Variants in PODN observed in about 807,000 individuals in gnomAD.
PODN encodes podocan proteoglycan.
Under a neutral mutation model 52.7 loss-of-function variants are expected in PODN, and 40 were observed. The ratio of observed to expected loss-of-function variants is 0.76; its 90% CI spans 0.59 to 0.99. The LOEUF (loss-of-function observed/expected upper bound fraction) is 0.99. Among genes scored for constraint, PODN ranks in the 50% least tolerant of loss-of-function variants. PODN has a pLI of 0.00. For missense variants in PODN, 720 were observed against 815.1 expected (o/e 0.88, Z 1.42); for synonymous variants, 396 against 377.9 (o/e 1.05, Z -0.56).
intron 10 of PODN, among the ~76,000 whole-genome samples, chr1:53,082,420 G>A (rs1338059993): frequency 6.6e-6 from 1 of 152,190 alleles, no homozygotes; most frequent in South Asian, 2.1e-4. Context: ...GTGCTGTCAC[G>A]GGAGTGACCG....
intron 7 of PODN, among the ~76,000 whole-genome samples, chr1:53,078,116 T>C (rs1644223964): frequency 6.6e-6 from 1 of 152,102 alleles, no homozygotes; most frequent in South Asian, 2.1e-4. Flanking sequence ...AGGGTAGCCA[T>C]AAAAGGCTAT....
chr1:53,070,279 G>A lies in PODN; in HGVS notation c.312+112G>A, dbSNP rs1313754690. On this transcript the variant is annotated intron_variant, in intron 2 of 10. Coordinates refer to ENST00000312553, the MANE Select transcript of PODN (RefSeq NM_153703.5). The stretch of plus-strand genomic sequence containing the variant: ...TGTTCACCCAGAACCTCCAATATGT[G>A]CGGCTCTCCACTCCCAACCACAGGG... 5 of 1,509,338 alleles carry A rather than the reference G, an allele frequency of 3.3e-6. No homozygotes were observed. The African/African-American group carries it at 5.6e-5, about 17-fold the overall frequency. 93.5% of individuals were successfully genotyped at this position (1,509,338 alleles called of 1,614,324 possible).
rs1459253949 is a variant in PODN at position 53,074,142 on chromosome 1, C to T, written c.407-464C>T. 2.6e-5 allele frequency among the ~76,000 whole-genome samples: 4 copies of T among 152,206 alleles called. No homozygotes were observed. The East Asian group carries it at 5.8e-4, about 22-fold the overall frequency. ...GCCTGGCAGGGCTCCCGGTAGCAGC[C>T]GAGTCCTGACACATCTGCCAGATGG... On this transcript the variant is annotated intron_variant, in intron 3 of 10. Coordinates refer to ENST00000312553, the MANE Select transcript of PODN (RefSeq NM_153703.5).
chr1:53,074,579 G>A (rs749411035), intron 3 of PODN, 27 bp from the exon 4 acceptor site: 1 of 1,613,538 alleles, frequency 6.2e-7, no homozygotes, highest in South Asian at 1.1e-5. Flanking sequence ...TCCATCCAGG[G>A]CTCTGACCGA....
At chr1:53,070,341 A>C (rs931372849) in intron 2 of PODN, among the ~76,000 whole-genome samples, 174 bp downstream of exon 2, 1 of 152,170 alleles carries the variant, frequency 6.6e-6, no homozygotes, top group Non-Finnish European at 1.5e-5. Flanking sequence ...CCCTGGCCGC[A>C]CCAGGTGACA....
chr1:53,074,459 AGGCCCCCCAACTGCTTG>A (rs1158109309), intron 3 of PODN, 130 bp from the exon 4 acceptor site: 3 of 827,308 alleles, frequency 3.6e-6, no homozygotes, highest in Non-Finnish European at 4.1e-6. Flanking sequence ...AGGGCTGGGC[AGGCCCCCCAACTGCTTG>A]GGAGGGGATC....
chr1:53,083,291 G>A (rs992187910), intron 10 of PODN, among the ~76,000 whole-genome samples: 9 of 152,336 alleles, frequency 5.9e-5, no homozygotes, highest in Admixed American at 1.3e-4. Flanking sequence ...CTCTCGAGGG[G>A]AGCCCTGTGT....
chr1:53,080,647 TG>T, intron 8 of PODN, 80 bp from the exon 9 acceptor site: 1 of 1,460,922 alleles, frequency 6.8e-7, no homozygotes, highest in Non-Finnish European at 9.4e-7. Context: ...TTAGATAGGC[TG>T]GGGGCTTGGT....
intron 2 of PODN, 114 bp downstream of exon 2, chr1:53,070,281 G>A (rs1644098861): frequency 9.4e-6 from 14 of 1,493,032 alleles, no homozygotes; most frequent in African/African-American, 8.4e-5. Flanking sequence ...CAATATGTGC[G>A]GCTCTCCACT....
In PODN at chr1:53,077,097, A is replaced by T; in HGVS notation, c.582-93A>T. 2.0e-6 allele frequency: 3 copies of T among 1,468,120 alleles called. No individual in the cohort carries two copies. The South Asian group carries it at 3.9e-5, about 19-fold the overall frequency. The allele number at this position is 1,468,120 out of a possible 1,614,324, so 90.9% of individuals were successfully genotyped here. A position where few individuals can be genotyped will look rare whatever the true frequency, so the allele number is the denominator to read the frequency against. Reference sequence around the variant, plus strand: ...TACCCTTGAGTTTGGATGGAAGGAGAGCAGCCTGGGCAAGGGTTTAGAGGC... The same window carrying T: ...TACCCTTGAGTTTGGATGGAAGGAGTGCAGCCTGGGCAAGGGTTTAGAGGC... On this transcript the variant is annotated intron_variant, in intron 5 of 10. Coordinates refer to ENST00000312553, the MANE Select transcript of PODN (RefSeq NM_153703.5).
At chr1:53,065,114 A>G (rs2790427) in intron 1 of PODN, among the ~76,000 whole-genome samples, 48,138 of 152,162 alleles carry the variant, frequency 0.32, 9,374 homozygotes, top group Non-Finnish European at 0.43. Flanking sequence ...CTGTAATCCC[A>G]GCACTTTGGG....
At position 53,069,665 on chromosome 1, in the gene PODN, G is replaced by T. The variant is rs986520902; in HGVS notation, c.-55-136G>T. On this transcript the variant is annotated intron_variant, in intron 1 of 10. Transcript: ENST00000312553. ...CGCCTCTGGAGGGCAGCCTGGTGGG[G>T]GTTGGGCAGGTGCGGAGGGCAGCAG... 2.3e-5 allele frequency: 30 copies of T among 1,293,226 alleles called. No individual in the cohort carries two copies. In the African/African-American group the frequency reaches 3.6e-4, roughly 16 times the overall value. 80.1% of individuals were successfully genotyped at this position (1,293,226 alleles called of 1,614,324 possible).
In PODN at chr1:53,071,654, T is replaced by C. The variant is rs749327067; in HGVS notation, c.406+26T>C. On this transcript the variant is annotated intron_variant, in intron 3 of 10. Transcript: ENST00000312553. ...GTGAGGGGCCACCCAGAGCCCAGGG[T>C]CAGGGACACCAAGTGGGGCCTTGGG... 5.6e-6 allele frequency: 9 copies of C among 1,595,028 alleles called. No homozygotes were observed. The African/African-American group carries it at 1.1e-4, about 19-fold the overall frequency.
intron 1 of PODN, 139 bp from the exon 2 acceptor site, chr1:53,069,661 TG>T: frequency 1.6e-6 from 2 of 1,257,202 alleles, no homozygotes; most frequent in South Asian, 1.7e-5. Context: ...GGCAGCCTGG[TG>T]GGGGTTGGGC....
intron 2 of PODN, 120 bp from the exon 3 acceptor site, chr1:53,071,415 C>T: frequency 1.2e-6 from 1 of 865,148 alleles, no homozygotes; most frequent in Non-Finnish European, 1.8e-6. Context: ...GGGGAGAATT[C>T]CAAGGGAGGT....
intron 9 of PODN, 38 bp from the exon 10 acceptor site, chr1:53,081,943 T>C (rs768761833): frequency 4.2e-5 from 65 of 1,557,640 alleles, no homozygotes; most frequent in Non-Finnish European, 5.5e-5. Context: ...TCCTTGGGGG[T>C]TGGGCTCCTG....
In PODN at chr1:53,071,528, C is replaced by T; in HGVS notation, c.313-7C>T. ...TGCTGCTTCCTTGCGGCCCCCTACC[C>T]CCCTAGAACAACCAGCTGGAAAAGA... On this transcript the variant is annotated splice_region_variant and splice_polypyrimidine_tract_variant and intron_variant, in intron 2 of 10. Transcript: ENST00000312553. 1 of 1,612,300 alleles carries T rather than the reference C, an allele frequency of 6.2e-7. No individual in the cohort carries two copies. The highest frequency in any genetic ancestry group is 8.5e-7 in the Non-Finnish European group (1 of 1,178,900).
In PODN at chr1:53,078,948, C is replaced by A; in HGVS notation, c.1438C>A (p.Leu480Met). 6.3e-7 allele frequency: 1 copy of A among 1,584,942 alleles called. No homozygotes were observed. The highest frequency in any genetic ancestry group is 8.6e-7 in the Non-Finnish European group (1 of 1,166,358). Residue 480 changes from leucine (L) to methionine (M), a missense_variant, in exon 8 of 11, where the codon CTG becomes ATG. Coordinates refer to ENST00000312553, the MANE Select transcript of PODN (RefSeq NM_153703.5). ...ALVGMAQLRE[L>M]YLTSNRLRSR... ...GGTGGGCATGGCTCAGCTGCGTGAG[C>A]TGTACCTCACCAGCAACCGACTGCG...
intron 1 of PODN, among the ~76,000 whole-genome samples, chr1:53,069,360 A>G (rs1644076620): frequency 6.6e-6 from 1 of 152,210 alleles, no homozygotes. Context: ...CAGTTGGAAG[A>G]GAGTCAGGAC....
Sources: allele counts gnomAD v4.1 joint callset (sites outside exome capture counted in the v4.1 genomes callset), GRCh38; gene constraint gnomAD v4.1.1; transcripts MANE v1.5; gene names NCBI Gene and HGNC (gene_info 2026-07-23, HGNC 2026-07-21).